Variants in ZNF541 observed in about 807,000 individuals in gnomAD.
ZNF541 encodes the protein zinc finger protein 541.
Under a neutral mutation model 123.5 loss-of-function variants are expected in ZNF541, and 23 were observed. The observed-to-expected ratio is 0.19, with a 90% CI of 0.13 to 0.26. The LOEUF is 0.26. Among genes scored for constraint, ZNF541 ranks in the 10% least tolerant of loss-of-function variants. ZNF541 has a pLI of 1.00. For synonymous variants in ZNF541, 751 were observed against 754.5 expected (o/e 1.00, Z 0.08); for missense variants, 1,612 against 1,789.9 (o/e 0.90, Z 1.79).
chr19:47,527,742 C>T (rs1229270031), intron 14 of ZNF541, among the ~76,000 whole-genome samples: 1 of 151,668 alleles, frequency 6.6e-6, no homozygotes, highest in Non-Finnish European at 1.5e-5. Context: ...TCTTGTTGTC[C>T]AGGCTGGAGT....
chr19:47,559,129 G>A (rs1970957311), intron 2 of ZNF541, among the ~76,000 whole-genome samples: 1 of 151,756 alleles, frequency 6.6e-6, no homozygotes, highest in Non-Finnish European at 1.5e-5. Context: ...CCAGCACTCT[G>A]GGAGGCCGAG....
Position 47,544,933 on chromosome 19 carries a change from C to G in ZNF541, c.1596G>C (p.Ala532=), listed in dbSNP as rs892180380. The part of the protein sequence containing the change: ...QEAQKAGGLP[A]DASPLFRQLF... ...GCTGGCGGAAGAGCGGCGAGGCATC[C>G]GCAGGGAGCCCGCCTGCCTTCTGGG... Residue 532 remains alanine (A), a synonymous_variant, in exon 5 of 17, where the codon GCG becomes GCC. Coordinates refer to ENST00000391901, the MANE Select transcript of ZNF541 (RefSeq NM_001277075.3). 3.3e-6 allele frequency: 5 copies of G among 1,535,330 alleles called. No individual in the cohort carries two copies. The highest frequency in any genetic ancestry group is 4.4e-6 in the Non-Finnish European group (5 of 1,146,702).
At position 47,545,984 on chromosome 19, in the gene ZNF541, G is replaced by A. The variant is rs1970340120; in HGVS notation, c.549-4C>T. The A allele has an allele frequency of 3.4e-6, 5 of 1,460,470 alleles. No homozygotes were observed. The South Asian group carries it at 5.7e-5, about 17-fold the overall frequency. 90.5% of individuals were successfully genotyped at this position (1,460,470 alleles called of 1,614,324 possible). ...GTGGGTGAGCATGTGCCCGGTCCTG[G>A]AGCCAGACACAAGCAGGGGCGTCAC... On this transcript the variant is annotated splice_region_variant and splice_polypyrimidine_tract_variant and intron_variant, in intron 4 of 16. Transcript: ENST00000391901. The surrounding 1 kb of genome is among the most constrained non-coding windows in gnomAD (Gnocchi z 7.5).
chr19:47,572,938 G>A (rs1021872806), intron 1 of ZNF541, among the ~76,000 whole-genome samples, 145 bp downstream of exon 1: 1 of 151,746 alleles, frequency 6.6e-6, no homozygotes, highest in Non-Finnish European at 1.5e-5. Flanking sequence ...TGCGCCCCTC[G>A]AAAGGCAGAT....
At chr19:47,569,687 A>C (rs1316992861) in intron 2 of ZNF541, among the ~76,000 whole-genome samples, 2 of 151,768 alleles carry the variant, frequency 1.3e-5, no homozygotes, top group Admixed American at 6.6e-5. Context: ...ACAAAGTGAG[A>C]TCCCCGCCGC....
At chr19:47,563,475 G>A (rs1971145225) in intron 2 of ZNF541, among the ~76,000 whole-genome samples, 1 of 151,392 alleles carries the variant, frequency 6.6e-6, no homozygotes, top group South Asian at 2.1e-4. Context: ...GTGTGGATCT[G>A]TAAGCCAAAT....
rs572883311 is a variant in ZNF541 at position 47,545,920 on chromosome 19, G to A, written c.609C>T (p.Cys203=). ...TKPFVCIEQG[C]SKSYCDYRSL... ...AGCGGTAGTCGCAGTAGCTCTTGCT[G>A]CAGCCCTGCTCGATGCACACGAAGG... Residue 203 remains cysteine, a synonymous_variant, in exon 5 of 17, where the codon TGC becomes TGT. Transcript: ENST00000391901. The surrounding 1 kb of genome is among the most constrained non-coding windows in gnomAD (Gnocchi z 7.5). 2 of 1,537,900 alleles carry A rather than the reference G, an allele frequency of 1.3e-6. No individual in the cohort carries two copies. Among genetic ancestry groups the A allele is most frequent in the Non-Finnish European group, 1.8e-6 (2 of 1,139,230 alleles).
At chr19:47,531,069 ACT>A (rs1318346988) in intron 12 of ZNF541, among the ~76,000 whole-genome samples, 1 of 151,916 alleles carries the variant, frequency 6.6e-6, no homozygotes, top group Non-Finnish European at 1.5e-5. Flanking sequence ...ATGTACTGCC[ACT>A]CTGCTGAGGA....
chr19:47,552,634 T>C (rs1334834504), intron 3 of ZNF541, among the ~76,000 whole-genome samples: 4 of 144,654 alleles, frequency 2.8e-5, no homozygotes, highest in African/African-American at 7.7e-5. Context: ...TCCCAGCTAC[T>C]AGGGAGGCTG....
intron 2 of ZNF541, among the ~76,000 whole-genome samples, chr19:47,570,471 G>A (rs1971435246): frequency 6.7e-6 from 1 of 150,006 alleles, no homozygotes; most frequent in South Asian, 2.1e-4. Context: ...CAGGTACTCA[G>A]GAGGCTGAGG....
chr19:47,528,645 C>CTA (rs1383577323), intron 14 of ZNF541, among the ~76,000 whole-genome samples: 3 of 152,000 alleles, frequency 2.0e-5, no homozygotes, highest in East Asian at 3.9e-4. Flanking sequence ...ACATGCATAC[C>CTA]TATATATATA....
chr19:47,533,335 G>C (rs1969665956), intron 9 of ZNF541, among the ~76,000 whole-genome samples: 2 of 120,870 alleles, frequency 1.7e-5, no homozygotes, highest in Non-Finnish European at 3.2e-5. Flanking sequence ...ACTCCAGCCT[G>C]GGCGACAGAG....
chr19:47,545,133 C>A lies in ZNF541; in HGVS notation c.1396G>T (p.Gly466Cys). 6.7e-7 allele frequency: 1 copy of A among 1,482,632 alleles called. No homozygotes were observed. Among genetic ancestry groups the A allele is most frequent in the Non-Finnish European group, 8.9e-7 (1 of 1,117,388 alleles). The allele number at this position is 1,482,632 out of a possible 1,614,324, so 91.8% of individuals were successfully genotyped here. A position where few individuals can be genotyped will look rare whatever the true frequency, so the allele number is the denominator to read the frequency against. The change falls in exon 5 of 17, where the codon GGT becomes TGT. Residue 466 changes from glycine to cysteine, a missense_variant. Gly to Cys is a radical substitution (Grantham distance 159). This residue lies in a region of ZNF541 where 1,080 missense variants were observed against 1,013.8 expected (regional missense o/e 1.07). Coordinates refer to ENST00000391901, the MANE Select transcript of ZNF541 (RefSeq NM_001277075.3). The surrounding 1 kb of genome is among the most constrained non-coding windows in gnomAD (Gnocchi z 7.5). ...AAGGGCAGAGCATCCTCCAGGCCAC[C>A]GCCGGGGCCGGGCGGGGACTCCTCC... ...PSEESPPGPG[G>C]GLEDALPFPA...
Position 47,555,884 on chromosome 19 carries a change from A to G in ZNF541, c.-28T>C. Reference sequence around the variant, plus strand: ...CTCTCCACTGCCAGGTCTTGGCCAAAAGCTACTCTCCAGATAAGCAAAACC... The same window carrying G: ...CTCTCCACTGCCAGGTCTTGGCCAAGAGCTACTCTCCAGATAAGCAAAACC... On this transcript the variant is annotated 5_prime_UTR_variant, in exon 3 of 17. Transcript: ENST00000391901. 2 of 1,528,572 alleles carry G rather than the reference A, an allele frequency of 1.3e-6. No individual in the cohort carries two copies. Among genetic ancestry groups the G allele is most frequent in the Middle Eastern group, 2.0e-4 (1 of 5,066 alleles). 94.7% of individuals were successfully genotyped at this position (1,528,572 alleles called of 1,614,324 possible). A position where few individuals can be genotyped will look rare whatever the true frequency, so the allele number is the denominator to read the frequency against.
intron 5 of ZNF541, among the ~76,000 whole-genome samples, chr19:47,542,355 C>T (rs1160323815): frequency 7.9e-5 from 12 of 152,134 alleles, no homozygotes; most frequent in African/African-American, 2.9e-4. Context: ...CAACGCTACA[C>T]TTTAAAATGG....
rs1292703276 is a variant in ZNF541 at position 47,523,338 on chromosome 19, TTAAA to T, written c.3571-1348_3571-1345del. Among the ~76,000 whole-genome samples the T allele has an allele frequency of 9.7e-3, 1,145 of 118,132 alleles. 10 individuals carry two copies. Among genetic ancestry groups the T allele is most frequent in the African/African-American group, 0.051 (1,032 of 20,096 alleles). The allele number at this position is 118,132 out of a possible 152,430, so 77.5% of individuals were successfully genotyped here. ...CCACCGCGCCCGGCGAGCGTCTCTTTTAAAAAAAAAAAAAAAAAAAAAAAGGAAA... is the reference window on the plus strand; with the variant it reads ...CCACCGCGCCCGGCGAGCGTCTCTTTAAAAAAAAAAAAAAAAAAAAGGAAA... On this transcript the variant is annotated intron_variant, in intron 14 of 16. Transcript: ENST00000391901.
chr19:47,557,911 T>C (rs1464738155), intron 2 of ZNF541, among the ~76,000 whole-genome samples: 1 of 148,752 alleles, frequency 6.7e-6, no homozygotes, highest in Non-Finnish European at 1.5e-5. Flanking sequence ...ACTAAAAGAA[T>C]CTAAGTATAA....
In ZNF541 at chr19:47,545,733, C is replaced by T. The variant is rs1304761015; in HGVS notation, c.796G>A (p.Gly266Ser). The T allele has an allele frequency of 5.2e-6, 8 of 1,545,220 alleles. No individual in the cohort carries two copies. In the African/African-American group the frequency reaches 5.5e-5, roughly 11 times the overall value. The change falls in exon 5 of 17, where the codon GGC (glycine) becomes AGC (serine). Residue 266 changes from glycine (G) to serine (S), a missense_variant. Gly to Ser is a moderately conservative substitution (Grantham distance 56). This residue lies in a region of ZNF541 where 1,080 missense variants were observed against 1,013.8 expected (regional missense o/e 1.07). Coordinates refer to ENST00000391901, the MANE Select transcript of ZNF541 (RefSeq NM_001277075.3). This position sits in a 1 kb window ranked among gnomAD's most constrained non-coding sequence, Gnocchi z 7.5. Reference sequence around the variant, plus strand: ...AGGTCCCGGTGGGGCAGGAGGGAGCCGGGGGACCTGGCCTCTGGGGGCACC... The same window carrying T: ...AGGTCCCGGTGGGGCAGGAGGGAGCTGGGGGACCTGGCCTCTGGGGGCACC... The part of the protein sequence containing the change: ...SLVPPEARSP[G>S]SLLPHRDLLR...
At chr19:47,549,152 C>T in intron 4 of ZNF541, 93 bp downstream of exon 4, 1 of 1,507,376 alleles carries the variant, frequency 6.6e-7, no homozygotes. Context: ...GACGAGACAG[C>T]AGGTTGATCT....
Sources: gnomAD v4.1 joint callset for allele counts (sites outside exome capture counted in the v4.1 genomes callset) on GRCh38, gnomAD v4.1.1 for gene constraint, gnomAD v4.1.1 regional missense constraint, Gnocchi (gnomAD v3.1) non-coding constraint, MANE v1.5 for transcripts, NCBI Gene and HGNC (gene_info 2026-07-23, HGNC 2026-07-21) for gene names.